The following MSH3 variants were observed in gnomAD, a reference collection of about 807,000 sequenced individuals.
MSH3 encodes DNA mismatch repair protein Msh3.
Under a neutral mutation model 123.3 loss-of-function variants are expected in MSH3, and 106 were observed. The observed-to-expected ratio is 0.86, with a 90% CI of 0.73 to 1.01. MSH3 has a LOEUF of 1.01. Among genes scored for constraint, MSH3 ranks in the 50% least tolerant of loss-of-function variants. The pLI is 0.00. For missense variants in MSH3, 1,459 were observed against 1,347.6 expected (o/e 1.08, Z -1.29); for synonymous variants, 515 against 481.4 (o/e 1.07, Z -0.91).
Position 80,695,819 on chromosome 5 carries a change from T to C in MSH3, c.1340+16726T>C, listed in dbSNP as rs6151680. ...TGGTGTTGGCATCTATCGATTGTCT[T>C]TTTTCATTCAGTTGGAGGTTTGGAG... On this transcript the variant is annotated intron_variant, in intron 8 of 23. Transcript: ENST00000265081. Among the ~76,000 whole-genome samples the C allele has an allele frequency of 3.9e-3, 592 of 152,352 alleles. 1 individual carries two copies. The highest frequency in any genetic ancestry group is 0.014 in the African/African-American group (568 of 41,582).
chr5:80,869,877 TAA>T (rs1165688837), intron 22 of MSH3, among the ~76,000 whole-genome samples: 3 of 119,998 alleles, frequency 2.5e-5, no homozygotes, highest in Non-Finnish European at 5.6e-5. Context: ...ATAAAAAAAT[TAA>T]AAGTCATTAA....
chr5:80,654,750 C>T lies in MSH3; in HGVS notation c.23C>T (p.Ser8Leu). The T allele has an allele frequency of 1.2e-6, 2 of 1,602,440 alleles. No homozygotes were observed. Among genetic ancestry groups the T allele is most frequent in the Non-Finnish European group, 1.7e-6 (2 of 1,176,012 alleles). Residue 8 changes from serine to leucine, a missense_variant, in exon 1 of 24, where the codon TCG becomes TTG. By Grantham distance (145) the Ser-to-Leu change is moderately radical (BLOSUM62 -2). Transcript: ENST00000265081. ...GCCATGTCTCGCCGGAAGCCTGCGT[C>T]GGGCGGCCTCGCTGCCTCCAGCTCA... Reference protein sequence around the residue: MSRRKPASGGLAASSSAP... With the variant: MSRRKPALGGLAASSSAP...
intron 15 of MSH3, among the ~76,000 whole-genome samples, chr5:80,769,266 A>T (rs1429812273): frequency 6.6e-6 from 1 of 152,036 alleles, no homozygotes; most frequent in African/African-American, 2.4e-5. Context: ...GAAAATCTCA[A>T]TTACTATGAA....
intron 20 of MSH3, among the ~76,000 whole-genome samples, chr5:80,839,120 A>G (rs1430888754): frequency 6.6e-6 from 1 of 152,122 alleles, no homozygotes; most frequent in Non-Finnish European, 1.5e-5. Context: ...TAATCCCAAC[A>G]CTTTGAGAGG....
chr5:80,773,531 T>G (rs1444589586), intron 15 of MSH3, among the ~76,000 whole-genome samples: 1 of 152,154 alleles, frequency 6.6e-6, no homozygotes, highest in Non-Finnish European at 1.5e-5. Flanking sequence ...ATAATTAATG[T>G]AAAAGCTACA....
chr5:80,785,350 GA>G (rs1468245093), intron 17 of MSH3, among the ~76,000 whole-genome samples: 1 of 152,154 alleles, frequency 6.6e-6, no homozygotes, highest in Admixed American at 6.6e-5. Context: ...CTGGCCACAT[GA>G]AAAAATGCTC....
intron 10 of MSH3, among the ~76,000 whole-genome samples, chr5:80,736,946 C>G (rs1282818182): frequency 6.6e-6 from 1 of 152,178 alleles, no homozygotes; most frequent in Non-Finnish European, 1.5e-5. Flanking sequence ...GTTAGTATTA[C>G]TCTATGTCGA....
At chr5:80,852,060 T>A (rs1478120398) in intron 20 of MSH3, among the ~76,000 whole-genome samples, 1 of 152,176 alleles carries the variant, frequency 6.6e-6, no homozygotes, top group Non-Finnish European at 1.5e-5. Context: ...GCATGGTGGC[T>A]CATGCCTGTA....
chr5:80,710,588 G>A (rs979899289), intron 8 of MSH3, among the ~76,000 whole-genome samples: 1 of 152,158 alleles, frequency 6.6e-6, no homozygotes, highest in African/African-American at 2.4e-5. Flanking sequence ...AGCATGGGTT[G>A]TCTTTACATG....
At chr5:80,658,766 T>A (rs1020137574) in intron 2 of MSH3, among the ~76,000 whole-genome samples, 54 of 139,876 alleles carry the variant, frequency 3.9e-4, no homozygotes, top group African/African-American at 1.2e-3. Context: ...TAATTAAAAA[T>A]ATATATATTT....
chr5:80,660,176 G>A (rs1749399586), intron 2 of MSH3, among the ~76,000 whole-genome samples: 1 of 152,048 alleles, frequency 6.6e-6, no homozygotes. Context: ...AAACATTGTG[G>A]GAGTTGAAAG....
At chr5:80,705,035 A>G (rs760033115) in intron 8 of MSH3, among the ~76,000 whole-genome samples, 2 of 152,202 alleles carry the variant, frequency 1.3e-5, no homozygotes, top group Non-Finnish European at 2.9e-5. Context: ...AAAAACAAGT[A>G]TATGTTGATA....
chr5:80,829,882 G>T (rs933495838), intron 20 of MSH3, among the ~76,000 whole-genome samples: 1 of 152,090 alleles, frequency 6.6e-6, no homozygotes, highest in African/African-American at 2.4e-5. Context: ...ATTTTAGAAG[G>T]TTAATACTTA....
chr5:80,677,869 A>T (rs1039161004), intron 7 of MSH3, among the ~76,000 whole-genome samples: 1 of 152,240 alleles, frequency 6.6e-6, no homozygotes, highest in East Asian at 1.9e-4. Flanking sequence ...TATGATCTAC[A>T]GTTTATTCAT....
chr5:80,681,021 T>TTA (rs1225876936), intron 8 of MSH3, among the ~76,000 whole-genome samples: 2 of 152,180 alleles, frequency 1.3e-5, no homozygotes, highest in Non-Finnish European at 2.9e-5. Context: ...GTATGAATGT[T>TTA]TATAAAGCTC....
chr5:80,851,423 T>A (rs373687990), intron 20 of MSH3, among the ~76,000 whole-genome samples: 8 of 152,186 alleles, frequency 5.3e-5, no homozygotes, highest in East Asian at 1.9e-4. Context: ...TATTTTCCTG[T>A]TTGAATTTAC....
At chr5:80,668,654 C>T (rs1371733866) in intron 3 of MSH3, among the ~76,000 whole-genome samples, 1 of 152,194 alleles carries the variant, frequency 6.6e-6, no homozygotes, top group Non-Finnish European at 1.5e-5. Context: ...GCAGTCGGAG[C>T]AGGTACTTCT....
Position 80,724,316 on chromosome 5 carries a change from TAAGTG to T in MSH3, c.1341-1133_1341-1129del, listed in dbSNP as rs1186701639. Among the ~76,000 whole-genome samples, 29 of 152,292 alleles carry T rather than the reference TAAGTG, an allele frequency of 1.9e-4. No individual in the cohort carries two copies. The East Asian group carries it at 3.7e-3, about 19-fold the overall frequency. On this transcript the variant is annotated intron_variant, in intron 8 of 23. Transcript: ENST00000265081. ...TTATGGAGGGACTTTCAAGAATTAT[TAAGTG>T]AAGAGAACAAGACACAGAAATATGT...
chr5:80,685,575 A>G (rs942895126), intron 8 of MSH3, among the ~76,000 whole-genome samples: 5 of 151,960 alleles, frequency 3.3e-5, no homozygotes, highest in African/African-American at 4.8e-5. Flanking sequence ...CAGTCTGGGA[A>G]AGTCTTACCA....
Sources: allele counts gnomAD v4.1 joint callset (sites outside exome capture counted in the v4.1 genomes callset), GRCh38; gene constraint gnomAD v4.1.1; transcripts MANE v1.5; gene names NCBI Gene and HGNC (gene_info 2026-07-23, HGNC 2026-07-21).